CNTNAP4: variants seen among roughly 807,000 people sequenced by gnomAD.
The protein encoded by CNTNAP4 is contactin-associated protein-like 4.
CNTNAP4 carries 98 observed loss-of-function variants against 148.4 expected under a neutral mutation model. That is an observed-to-expected ratio of 0.66 (90% CI 0.56 to 0.78). The LOEUF (loss-of-function observed/expected upper bound fraction) is 0.78, where lower values mean the gene tolerates loss of function less well. Among genes scored for constraint, CNTNAP4 ranks in the 30% least tolerant of loss-of-function variants. The pLI, the probability that CNTNAP4 is intolerant of heterozygous loss-of-function variation, is 0.00. For synonymous variants in CNTNAP4, 730 were observed against 565.1 expected (o/e 1.29, Z -4.14); for missense variants, 1,935 against 1,565.6 (o/e 1.24, Z -3.98).
At chr16:76,551,842 G>C (rs1467469054) in intron 21 of CNTNAP4, among the ~76,000 whole-genome samples, 1 of 152,100 alleles carries the variant, frequency 6.6e-6, no homozygotes, top group Non-Finnish European at 1.5e-5. Context: ...AAGTTGCCCT[G>C]AATATACACT....
intron 3 of CNTNAP4, among the ~76,000 whole-genome samples, chr16:76,405,331 C>T (rs982266105): frequency 6.6e-6 from 1 of 152,066 alleles, no homozygotes; most frequent in Non-Finnish European, 1.5e-5. Flanking sequence ...TAAAATAAAA[C>T]AGGGAATTGC....
At chr16:76,355,240 C>G in intron 2 of CNTNAP4, 78 bp from the exon 3 acceptor site, 2 of 1,078,238 alleles carry the variant, frequency 1.9e-6, no homozygotes, top group East Asian at 2.7e-5. Context: ...TACAGTCGTA[C>G]TGGCATTTCT....
chr16:76,519,292 A>G (rs139512008), intron 15 of CNTNAP4, among the ~76,000 whole-genome samples: 1 of 152,270 alleles, frequency 6.6e-6, no homozygotes, highest in East Asian at 1.9e-4. Context: ...AATTGGTTTC[A>G]TTGCTTTAAA....
chr16:76,329,825 A>G (rs1468528693), intron 2 of CNTNAP4, among the ~76,000 whole-genome samples: 2 of 152,242 alleles, frequency 1.3e-5, no homozygotes, highest in African/African-American at 4.8e-5. Context: ...GACTTTTATA[A>G]TAGGCTATAA....
At chr16:76,314,309 C>G (rs547419328) in intron 1 of CNTNAP4, among the ~76,000 whole-genome samples, 5 of 152,232 alleles carry the variant, frequency 3.3e-5, no homozygotes, top group Admixed American at 2.0e-4. Context: ...GCTTTCAGAG[C>G]GAGTCCGCAG....
chr16:76,450,435 C>T (rs1159200284), intron 7 of CNTNAP4, among the ~76,000 whole-genome samples: 1 of 152,194 alleles, frequency 6.6e-6, no homozygotes, highest in Non-Finnish European at 1.5e-5. Context: ...CAGGCATGAG[C>T]CACTATGCCC....
intron 3 of CNTNAP4, among the ~76,000 whole-genome samples, chr16:76,414,307 T>A (rs2078903850): frequency 2.6e-5 from 4 of 151,468 alleles, no homozygotes; most frequent in African/African-American, 9.7e-5. Context: ...ATATGTTACT[T>A]AATGTGATAA....
intron 3 of CNTNAP4, among the ~76,000 whole-genome samples, chr16:76,385,613 T>C (rs1413324121): frequency 6.6e-6 from 1 of 151,734 alleles, no homozygotes; most frequent in Non-Finnish European, 1.5e-5. Context: ...TGCGTGGAAA[T>C]TATGTTCTAT....
intron 3 of CNTNAP4, among the ~76,000 whole-genome samples, chr16:76,369,918 A>G (rs13331181): frequency 0.05 from 7,653 of 152,070 alleles, 614 homozygotes; most frequent in African/African-American, 0.17. Context: ...TTAGCCTTCA[A>G]TGGATTGGAT....
Position 76,452,544 on chromosome 16 carries a change from A to G in CNTNAP4, c.1108A>G (p.Met370Val). 6.2e-7 allele frequency: 1 copy of G among 1,613,986 alleles called. No individual in the cohort carries two copies. Among genetic ancestry groups the G allele is most frequent in the Non-Finnish European group, 8.5e-7 (1 of 1,179,860 alleles). Residue 370 changes from methionine to valine, a missense_variant, in exon 8 of 24, where the codon ATG becomes GTG. Physicochemically the swap from Met to Val is conservative, Grantham distance 21 (BLOSUM62 1). Transcript: ENST00000611870. Reference sequence around the variant, plus strand: ...ATTTTCTTGTTCACAACCACAATCTATGCCCGTGACTTTTCTGAGCTCCAG... The same window carrying G: ...ATTTTCTTGTTCACAACCACAATCTGTGCCCGTGACTTTTCTGAGCTCCAG... ...VSFSCSQPQS[M>V]PVTFLSSRSY...
At chr16:76,471,806 G>A (rs1272823128) in intron 10 of CNTNAP4, among the ~76,000 whole-genome samples, 1 of 152,172 alleles carries the variant, frequency 6.6e-6, no homozygotes, top group Non-Finnish European at 1.5e-5. Context: ...TGAGGAGGTT[G>A]ATTCTTGTCA....
At chr16:76,359,334 T>A (rs11862837) in intron 3 of CNTNAP4, among the ~76,000 whole-genome samples, 2,168 of 152,162 alleles carry the variant, frequency 0.014, 69 homozygotes, top group African/African-American at 0.05. Flanking sequence ...ATTATACAAG[T>A]ATGTGATAGA....
At chr16:76,426,008 GC>G (rs1384509770) in intron 3 of CNTNAP4, among the ~76,000 whole-genome samples, 1 of 152,120 alleles carries the variant, frequency 6.6e-6, no homozygotes, top group African/African-American at 2.4e-5. Flanking sequence ...GTGAGGTGAT[GC>G]TTTGTTGAAC....
chr16:76,325,824 G>C (rs1293372059), intron 2 of CNTNAP4, among the ~76,000 whole-genome samples: 1 of 151,790 alleles, frequency 6.6e-6, no homozygotes, highest in African/African-American at 2.4e-5. Flanking sequence ...CAATCAAGAA[G>C]ACAAAAATGT....
At chr16:76,332,516 A>C (rs1355354583) in intron 2 of CNTNAP4, among the ~76,000 whole-genome samples, 1 of 152,026 alleles carries the variant, frequency 6.6e-6, no homozygotes, top group African/African-American at 2.4e-5. Flanking sequence ...TGGCCACCTC[A>C]ACCTCCCAAA....
At chr16:76,475,527 A>G (rs1263299484) in intron 10 of CNTNAP4, among the ~76,000 whole-genome samples, 1 of 152,220 alleles carries the variant, frequency 6.6e-6, no homozygotes, top group Non-Finnish European at 1.5e-5. Context: ...CAAGTGAAGA[A>G]AGGTATTCCT....
intron 4 of CNTNAP4, among the ~76,000 whole-genome samples, chr16:76,427,803 A>C (rs1044861988): frequency 4.6e-5 from 7 of 152,168 alleles, no homozygotes; most frequent in South Asian, 4.1e-4. Context: ...TCAGAGATGG[A>C]AGCACTTGAT....
intron 3 of CNTNAP4, among the ~76,000 whole-genome samples, chr16:76,370,685 G>C (rs183313575): frequency 6.6e-6 from 1 of 152,264 alleles, no homozygotes; most frequent in Non-Finnish European, 1.5e-5. Flanking sequence ...AAGAAGGTAT[G>C]TTACTAACGA....
chr16:76,299,507 G>A (rs1014299406), intron 1 of CNTNAP4, among the ~76,000 whole-genome samples: 3 of 152,230 alleles, frequency 2.0e-5, no homozygotes, highest in African/African-American at 7.2e-5. Context: ...AGGTGCTGGA[G>A]AGGATGTGGA....
Sources: allele counts gnomAD v4.1 joint callset (sites outside exome capture counted in the v4.1 genomes callset), GRCh38; gene constraint gnomAD v4.1.1; transcripts MANE v1.5; gene names NCBI Gene and HGNC (gene_info 2026-07-23, HGNC 2026-07-21).